Variants in MARCHF1 observed in about 807,000 individuals in gnomAD.
MARCHF1 encodes membrane associated ring-CH-type finger 1, also known as E3 ubiquitin-protein ligase MARCHF1.
In MARCHF1, 40 loss-of-function variants were observed where a neutral mutation model predicts 54.2. The ratio of observed to expected loss-of-function variants is 0.74; its 90% CI spans 0.57 to 0.96. The LOEUF (loss-of-function observed/expected upper bound fraction) is 0.96, where lower values mean the gene tolerates loss of function less well. Ranked by LOEUF, MARCHF1 falls within the 40% of genes least tolerant of loss-of-function variation. The probability of loss-of-function intolerance (pLI) is 0.00; values close to 1 mark genes in which losing one functional copy is unlikely to be tolerated. For missense variants in MARCHF1, 586 were observed against 656.5 expected (o/e 0.89, Z 1.17); for synonymous variants, 236 against 236.3 (o/e 1.00, Z 0.01).
chr4:163,990,168 C>A (rs545151948), intron 2 of MARCHF1, among the ~76,000 whole-genome samples: 4 of 152,132 alleles, frequency 2.6e-5, no homozygotes, highest in Non-Finnish European at 4.4e-5. Context: ...ATAAACATTT[C>A]AATGTATTTA....
At chr4:163,734,380 T>C (rs34491057) in intron 4 of MARCHF1, among the ~76,000 whole-genome samples, 58,009 of 151,870 alleles carry the variant, frequency 0.38, 11,909 homozygotes, top group Admixed American at 0.46. Flanking sequence ...ACACAAATTA[T>C]CCCAGTAGCC....
chr4:163,621,972 C>T (rs565578527), intron 5 of MARCHF1, among the ~76,000 whole-genome samples: 11 of 152,088 alleles, frequency 7.2e-5, no homozygotes, highest in African/African-American at 1.7e-4. Flanking sequence ...AATGTGGCAC[C>T]GGTGTCTTAG....
intron 1 of MARCHF1, among the ~76,000 whole-genome samples, chr4:164,315,388 T>C (rs1734970135): frequency 6.6e-6 from 1 of 152,190 alleles, no homozygotes; most frequent in African/African-American, 2.4e-5. Flanking sequence ...GAGAACTTAA[T>C]ACACCAATGG....
chr4:164,284,223 T>C (rs955269118), intron 1 of MARCHF1, among the ~76,000 whole-genome samples: 4 of 150,834 alleles, frequency 2.7e-5, no homozygotes, highest in African/African-American at 9.8e-5. Context: ...ATGTATTAAT[T>C]TGAGTATTCC....
At chr4:164,376,872 T>C (rs573309481) in intron 1 of MARCHF1, among the ~76,000 whole-genome samples, 6 of 152,328 alleles carry the variant, frequency 3.9e-5, no homozygotes, top group Admixed American at 3.9e-4. Context: ...AGATGTGAGA[T>C]TGACAGGACA....
intron 4 of MARCHF1, among the ~76,000 whole-genome samples, chr4:163,713,345 T>A (rs994058565): frequency 6.6e-5 from 10 of 152,098 alleles, no homozygotes; most frequent in African/African-American, 2.4e-4. Flanking sequence ...AAATAAAAAA[T>A]TTGCCATAAT....
intron 4 of MARCHF1, among the ~76,000 whole-genome samples, chr4:163,843,465 A>T (rs1749396940): frequency 6.6e-6 from 1 of 152,040 alleles, no homozygotes; most frequent in African/African-American, 2.4e-5. Context: ...GGCTAAACTA[A>T]TGTAAGTTTC....
At chr4:164,239,251 G>A (rs188332708) in intron 1 of MARCHF1, among the ~76,000 whole-genome samples, 1 of 152,160 alleles carries the variant, frequency 6.6e-6, no homozygotes, top group Non-Finnish European at 1.5e-5. Context: ...GGGACAAAAT[G>A]GATGTGTCAT....
intron 2 of MARCHF1, among the ~76,000 whole-genome samples, chr4:164,072,727 T>A (rs1250874000): frequency 2.2e-5 from 3 of 135,664 alleles, no homozygotes; most frequent in Non-Finnish European, 3.2e-5. Context: ...AAAAAAAAAC[T>A]TCATTAGTGT....
intron 2 of MARCHF1, among the ~76,000 whole-genome samples, chr4:164,038,528 A>C (rs911000718): frequency 1.3e-5 from 2 of 152,104 alleles, no homozygotes; most frequent in Admixed American, 6.6e-5. Context: ...AATATAAATA[A>C]AAATCTCACC....
At chr4:163,864,614 T>C (rs1473501923) in intron 3 of MARCHF1, among the ~76,000 whole-genome samples, 5 of 152,010 alleles carry the variant, frequency 3.3e-5, no homozygotes, top group African/African-American at 1.2e-4. Context: ...AGTAAGATGT[T>C]AATAATAGGA....
chr4:164,021,299 A>G (rs940085140), intron 2 of MARCHF1, among the ~76,000 whole-genome samples: 1 of 151,988 alleles, frequency 6.6e-6, no homozygotes, highest in African/African-American at 2.4e-5. Context: ...CTCTTCCAGG[A>G]TTTTATCTCT....
chr4:163,973,398 G>A (rs777686266), intron 3 of MARCHF1, among the ~76,000 whole-genome samples: 3 of 152,160 alleles, frequency 2.0e-5, no homozygotes, highest in Non-Finnish European at 4.4e-5. Context: ...GAAATGGTTG[G>A]GCTACATGTC....
chr4:163,664,955 C>A (rs759512765), intron 5 of MARCHF1, among the ~76,000 whole-genome samples: 65 of 151,680 alleles, frequency 4.3e-4, no homozygotes, highest in Non-Finnish European at 7.1e-4. Context: ...CATAATGAAC[C>A]CAGATTAGAT....
At chr4:163,977,609 C>A (rs1403045481) in intron 3 of MARCHF1, among the ~76,000 whole-genome samples, 1 of 152,066 alleles carries the variant, frequency 6.6e-6, no homozygotes, top group Non-Finnish European at 1.5e-5. Context: ...AAAAACTTCA[C>A]AGAACAATTC....
chr4:163,722,978 A>C (rs1406649084), intron 4 of MARCHF1, among the ~76,000 whole-genome samples: 3 of 152,152 alleles, frequency 2.0e-5, no homozygotes, highest in Non-Finnish European at 4.4e-5. Context: ...CTCTTTATCC[A>C]ATTTGCCAGT....
chr4:163,934,579 A>T (rs1751754599), intron 3 of MARCHF1, among the ~76,000 whole-genome samples: 3 of 56,408 alleles, frequency 5.3e-5, no homozygotes, highest in African/African-American at 1.9e-4. Flanking sequence ...TTTTAAGTAA[A>T]AAAAAAAAAA....
At chr4:164,320,945 A>G (rs112902012) in intron 1 of MARCHF1, among the ~76,000 whole-genome samples, 2 of 152,148 alleles carry the variant, frequency 1.3e-5, no homozygotes, top group Non-Finnish European at 2.9e-5. Context: ...AGAGTCTCGG[A>G]ATAGAGATCT....
intron 7 of MARCHF1, among the ~76,000 whole-genome samples, chr4:163,610,405 T>C (rs1043312039): frequency 1.3e-5 from 2 of 152,104 alleles, no homozygotes; most frequent in East Asian, 1.9e-4. Flanking sequence ...TTAATAGAAG[T>C]CTAAATTAAA....
Sources: gnomAD v4.1 joint callset for allele counts (sites outside exome capture counted in the v4.1 genomes callset) on GRCh38, gnomAD v4.1.1 for gene constraint, MANE v1.5 for transcripts, NCBI Gene and HGNC (gene_info 2026-07-23, HGNC 2026-07-21) for gene names.